The following PHF20 variants were observed in gnomAD, a reference collection of about 807,000 sequenced individuals.
PHF20 encodes PHD finger protein 20, also known as glioma-expressed antigen 2.
In PHF20, 23 loss-of-function variants were observed where a neutral mutation model predicts 113.5. That is an observed-to-expected ratio of 0.20 (90% CI 0.15 to 0.29). PHF20 has a LOEUF of 0.29. Ranked by LOEUF, PHF20 falls within the 10% of genes least tolerant of loss-of-function variation. The probability of loss-of-function intolerance (pLI) is 1.00; values close to 1 mark genes in which losing one functional copy is unlikely to be tolerated. For synonymous variants in PHF20, 434 were observed against 457.3 expected, an observed-to-expected ratio of 0.95 and a Z score of 0.65; for missense variants, 943 against 1,219.6, an observed-to-expected ratio of 0.77 and a Z score of 3.38.
At chr20:35,837,316 C>T (rs2042460612) in intron 2 of PHF20, among the ~76,000 whole-genome samples, 1 of 152,014 alleles carries the variant, frequency 6.6e-6, no homozygotes, top group Non-Finnish European at 1.5e-5. Flanking sequence ...ATTCCTAATC[C>T]CTATCTCCTC....
chr20:35,936,611 C>T (rs754442776), intron 15 of PHF20, among the ~76,000 whole-genome samples: 28 of 152,090 alleles, frequency 1.8e-4, no homozygotes, highest in Non-Finnish European at 3.7e-4. Flanking sequence ...TGGAATGGTG[C>T]GAATAAATTT....
In PHF20 at chr20:35,947,789, T is replaced by C; in HGVS notation, c.*162T>C. The C allele has an allele frequency of 2.9e-6, 2 of 695,298 alleles. No individual in the cohort carries two copies. The highest frequency in any genetic ancestry group is 4.7e-6 in the Non-Finnish European group (2 of 426,918). The allele number at this position is 695,298 out of a possible 1,614,324, so 43.1% of individuals were successfully genotyped here. ...GTGGACATTGGACAAAGAGGCCATT[T>C]TGGCTGCGGGAGGACACTCTGATCT... On this transcript the variant is annotated 3_prime_UTR_variant, in exon 18 of 18. Transcript: ENST00000374012.
intron 5 of PHF20, among the ~76,000 whole-genome samples, chr20:35,860,331 C>G (rs2054198060): frequency 6.6e-6 from 1 of 151,356 alleles, no homozygotes; most frequent in East Asian, 1.9e-4. Flanking sequence ...AACTCCACCT[C>G]CCGGGTTCAA....
chr20:35,793,848 A>C (rs2062734092), intron 1 of PHF20, among the ~76,000 whole-genome samples: 2 of 150,660 alleles, frequency 1.3e-5, no homozygotes, highest in South Asian at 4.2e-4. Context: ...AAATACAAAA[A>C]TTAGCCAGGC....
chr20:35,865,727 G>A lies in PHF20; in HGVS notation c.808+2327G>A, dbSNP rs148924703. The stretch of plus-strand genomic sequence containing the variant: ...TTGCCCAGGTTTGTCTCAATCTCTG[G>A]GCCTCAAGCAAGCAATCCTGCCTTG... On this transcript the variant is annotated intron_variant, in intron 6 of 17. Transcript: ENST00000374012. 5.3e-3 allele frequency among the ~76,000 whole-genome samples: 805 copies of A among 151,836 alleles called. 9 individuals are homozygous for A. Among genetic ancestry groups the A allele is most frequent in the African/African-American group, 0.019 (772 of 41,414 alleles).
chr20:35,873,538 T>C (rs1276390700), intron 9 of PHF20, among the ~76,000 whole-genome samples: 1 of 150,180 alleles, frequency 6.7e-6, no homozygotes, highest in Non-Finnish European at 1.5e-5. Context: ...GTGCGATTTC[T>C]GCTCACTGCA....
intron 15 of PHF20, among the ~76,000 whole-genome samples, chr20:35,931,728 G>A (rs917812712): frequency 2.0e-5 from 3 of 152,146 alleles, no homozygotes; most frequent in South Asian, 2.1e-4. Context: ...CGAGGTAGGC[G>A]GATCATGAGG....
At chr20:35,917,307 G>A (rs1280525491) in intron 12 of PHF20, 177 bp from the exon 13 acceptor site, 16 of 710,868 alleles carry the variant, frequency 2.3e-5, no homozygotes, top group Admixed American at 8.1e-5. Flanking sequence ...AGCATGCTTC[G>A]TTTGGGCTGT....
At chr20:35,940,158 AT>A (rs1394298117) in intron 16 of PHF20, among the ~76,000 whole-genome samples, 1 of 152,150 alleles carries the variant, frequency 6.6e-6, no homozygotes, top group African/African-American at 2.4e-5. Flanking sequence ...CTAAATAAAT[AT>A]TGGCTAGAAT....
At chr20:35,926,081 C>G (rs1301425682) in intron 13 of PHF20, among the ~76,000 whole-genome samples, 1 of 142,232 alleles carries the variant, frequency 7.0e-6, no homozygotes, top group Non-Finnish European at 1.5e-5. Context: ...GAGATTGTCC[C>G]ACTGCACTCC....
At chr20:35,775,087 T>G (rs976308682) in intron 1 of PHF20, 6 of 152,240 alleles carry the variant, frequency 3.9e-5, no homozygotes, top group African/African-American at 1.4e-4. Flanking sequence ...CTTTGGCTGC[T>G]TGATACTTTA....
intron 2 of PHF20, among the ~76,000 whole-genome samples, chr20:35,819,910 G>A (rs2042138624): frequency 6.6e-6 from 1 of 152,124 alleles, no homozygotes; most frequent in African/African-American, 2.4e-5. Flanking sequence ...TCTGTGCCAG[G>A]CACAAATCTA....
chr20:35,845,476 CT>C, intron 3 of PHF20: 1 of 298,106 alleles, frequency 3.4e-6, no homozygotes, highest in South Asian at 2.7e-5. Flanking sequence ...AGCAATCCTC[CT>C]TCCTCAGCCT....
rs1480557944 is a variant in PHF20 at position 35,940,515 on chromosome 20, G to C, written c.2713-349G>C. Among the ~76,000 whole-genome samples, 5 of 151,634 alleles carry C rather than the reference G, an allele frequency of 3.3e-5. No individual in the cohort carries two copies. In the Admixed American group the frequency reaches 3.3e-4, roughly 10 times the overall value. On this transcript the variant is annotated intron_variant, in intron 16 of 17. Coordinates refer to ENST00000374012, the MANE Select transcript of PHF20 (RefSeq NM_016436.5). ...AGGAGATGGAGCTGAGACTTGAAAC[G>C]CGTTGGTGTGACTCCCGTGTACTAA...
chr20:35,822,436 G>C (rs1447538077), intron 2 of PHF20, among the ~76,000 whole-genome samples: 1 of 149,934 alleles, frequency 6.7e-6, no homozygotes, highest in Non-Finnish European at 1.5e-5. Flanking sequence ...AAAAAAAAAA[G>C]AAAAAAAGTA....
intron 9 of PHF20, among the ~76,000 whole-genome samples, chr20:35,881,139 C>G (rs2054625337): frequency 7.0e-6 from 1 of 142,848 alleles, no homozygotes. Context: ...CTCACTGCAA[C>G]CTTCGCCTCC....
chr20:35,860,363 C>T (rs1187023302), intron 5 of PHF20, among the ~76,000 whole-genome samples: 1 of 151,300 alleles, frequency 6.6e-6, no homozygotes, highest in Non-Finnish European at 1.5e-5. Context: ...TCCTCAGCCT[C>T]CTGAGTAGCC....
chr20:35,827,481 C>T (rs1052708144), intron 2 of PHF20, among the ~76,000 whole-genome samples: 1 of 152,080 alleles, frequency 6.6e-6, no homozygotes, highest in Non-Finnish European at 1.5e-5. Context: ...ATGTGGAGTC[C>T]AGTTAAGAGC....
intron 4 of PHF20, among the ~76,000 whole-genome samples, chr20:35,848,391 C>T (rs2042660009): frequency 6.6e-6 from 1 of 151,936 alleles, no homozygotes; most frequent in African/African-American, 2.4e-5. Flanking sequence ...CCTCAGCCTC[C>T]CGAGTAGCTG....
Sources: allele counts gnomAD v4.1 joint callset (sites outside exome capture counted in the v4.1 genomes callset), GRCh38; gene constraint gnomAD v4.1.1; transcripts MANE v1.5; gene names NCBI Gene and HGNC (gene_info 2026-07-23, HGNC 2026-07-21).